Variants in STK39 observed in about 807,000 individuals in gnomAD.
STK39 encodes the protein STE20/SPS1-related proline-alanine-rich protein kinase.
Under a neutral mutation model 77.8 loss-of-function variants are expected in STK39, and 20 were observed. The observed-to-expected ratio is 0.26, with a 90% CI of 0.18 to 0.37. STK39 has a LOEUF of 0.37. Ranked by LOEUF, STK39 falls within the 10% of genes least tolerant of loss-of-function variation. The probability of loss-of-function intolerance (pLI) is 1.00; values close to 1 mark genes in which losing one functional copy is unlikely to be tolerated. For missense variants in STK39, 479 were observed against 656.5 expected, an observed-to-expected ratio of 0.73 and a Z score of 2.95; for synonymous variants, 246 against 234.1, an observed-to-expected ratio of 1.05 and a Z score of -0.47.
At chr2:167,997,898 C>T (rs1232219216) in intron 16 of STK39, among the ~76,000 whole-genome samples, 5 of 151,850 alleles carry the variant, frequency 3.3e-5, no homozygotes, top group Non-Finnish European at 7.4e-5. Context: ...ACAGAAAAAC[C>T]GATTTTACTA....
intron 14 of STK39, among the ~76,000 whole-genome samples, chr2:168,032,004 T>C (rs1179502422): frequency 6.6e-6 from 1 of 152,112 alleles, no homozygotes; most frequent in Admixed American, 6.6e-5. Flanking sequence ...CCAAATAAAG[T>C]AAATAAAATG....
intron 17 of STK39, among the ~76,000 whole-genome samples, chr2:167,962,594 C>T (rs558490950): frequency 1.8e-4 from 28 of 152,296 alleles, no homozygotes; most frequent in African/African-American, 6.7e-4. Context: ...AAGGAAAACA[C>T]GGACTTGTTT....
intron 7 of STK39, among the ~76,000 whole-genome samples, chr2:168,140,044 C>G (rs1687940739): frequency 1.3e-5 from 2 of 152,188 alleles, no homozygotes; most frequent in Admixed American, 6.5e-5. Context: ...CCTCCATCAA[C>G]CAATCTGATA....
chr2:168,076,333 A>G (rs4233815), intron 10 of STK39, among the ~76,000 whole-genome samples: 121,331 of 152,150 alleles, frequency 0.8, 48,703 homozygotes, highest in African/African-American at 0.87. Context: ...AACGATAACC[A>G]CCAGCAAGAA....
At chr2:168,178,341 A>T (rs1356011356) in intron 2 of STK39, among the ~76,000 whole-genome samples, 4 of 152,246 alleles carry the variant, frequency 2.6e-5, no homozygotes, top group Non-Finnish European at 5.9e-5. Context: ...TACAGTTAAA[A>T]GGCCAAACTC....
At chr2:168,228,315 TAAA>T (rs763617581) in intron 1 of STK39, among the ~76,000 whole-genome samples, 4 of 152,120 alleles carry the variant, frequency 2.6e-5, no homozygotes, top group Non-Finnish European at 4.4e-5. Flanking sequence ...TAGACATTTC[TAAA>T]AATATCAATT....
intron 14 of STK39, among the ~76,000 whole-genome samples, chr2:168,052,194 G>C (rs1685416901): frequency 6.6e-6 from 1 of 152,108 alleles, no homozygotes; most frequent in South Asian, 2.1e-4. Context: ...CAAGGCCCTT[G>C]TTTAGCATCC....
At chr2:167,956,667 GACAC>G (rs762455680) in intron 17 of STK39, among the ~76,000 whole-genome samples, 18 of 47,922 alleles carry the variant, frequency 3.8e-4, no homozygotes, top group East Asian at 3.2e-3. Flanking sequence ...CTTGCTTTTA[GACAC>G]ACACACACAC....
At chr2:168,003,489 G>T (rs1453482128) in intron 16 of STK39, among the ~76,000 whole-genome samples, 12 of 151,334 alleles carry the variant, frequency 7.9e-5, no homozygotes, top group Non-Finnish European at 1.8e-4. Context: ...TTTTTTTAAA[G>T]AAAGAAAAGA....
At chr2:167,968,836 C>A (rs1036669093) in intron 16 of STK39, among the ~76,000 whole-genome samples, 1 of 152,180 alleles carries the variant, frequency 6.6e-6, no homozygotes, top group Non-Finnish European at 1.5e-5. Context: ...AATTAGATTT[C>A]TTTGAAATCC....
At chr2:168,029,015 G>A (rs1032184611) in intron 14 of STK39, among the ~76,000 whole-genome samples, 1 of 152,144 alleles carries the variant, frequency 6.6e-6, no homozygotes, top group Admixed American at 6.5e-5. Context: ...ATATCTTTAA[G>A]GCACAAACTG....
At chr2:167,983,515 A>AGGAAGGAAGGAAGGAAGGAG in intron 16 of STK39, among the ~76,000 whole-genome samples, 1 of 141,646 alleles carries the variant, frequency 7.1e-6, no homozygotes, top group African/African-American at 2.6e-5. Flanking sequence ...GAAGGAAGGA[A>AGGAAGGAAGGAAGGAAGGAG]ATTATAGGAA....
At chr2:167,987,916 C>A (rs1454087955) in intron 16 of STK39, among the ~76,000 whole-genome samples, 1 of 152,140 alleles carries the variant, frequency 6.6e-6, no homozygotes, top group African/African-American at 2.4e-5. Flanking sequence ...ATTTACTATG[C>A]AATTTATGTA....
chr2:167,997,739 A>C (rs1251450688), intron 16 of STK39, among the ~76,000 whole-genome samples: 1 of 152,264 alleles, frequency 6.6e-6, no homozygotes, highest in East Asian at 1.9e-4. Flanking sequence ...ATGGAGAGTC[A>C]TACAGCTCCT....
chr2:168,029,699 T>C (rs1264977797), intron 14 of STK39, among the ~76,000 whole-genome samples: 2 of 152,222 alleles, frequency 1.3e-5, no homozygotes, highest in East Asian at 1.9e-4. Flanking sequence ...ATTTCATGAC[T>C]GCTTTCTCCG....
intron 14 of STK39, among the ~76,000 whole-genome samples, chr2:168,039,232 G>T (rs1354630350): frequency 6.6e-6 from 1 of 152,138 alleles, no homozygotes; most frequent in Non-Finnish European, 1.5e-5. Flanking sequence ...ATAGCTGAGT[G>T]AAAGAAGATG....
chr2:167,988,738 AT>A (rs2105278941), intron 16 of STK39, among the ~76,000 whole-genome samples: 1 of 152,336 alleles, frequency 6.6e-6, no homozygotes. Context: ...AAATTTACAT[AT>A]AAAATTCCTG....
intron 10 of STK39, among the ~76,000 whole-genome samples, chr2:168,102,204 T>C (rs1359798366): frequency 6.6e-6 from 1 of 152,028 alleles, no homozygotes; most frequent in Non-Finnish European, 1.5e-5. Context: ...TTCTGGGCCA[T>C]ATGCTAACCT....
intron 8 of STK39, 113 bp downstream of exon 8, chr2:168,137,975 T>C (rs535511067): frequency 7.1e-7 from 1 of 1,412,322 alleles, no homozygotes; most frequent in South Asian, 1.6e-5. Context: ...CAGCAGGGTT[T>C]CCCAGACAAG....
Sources: gnomAD v4.1 joint callset for allele counts (sites outside exome capture counted in the v4.1 genomes callset) on GRCh38, gnomAD v4.1.1 for gene constraint, MANE v1.5 for transcripts, NCBI Gene and HGNC (gene_info 2026-07-23, HGNC 2026-07-21) for gene names.